EBF2: variants seen among roughly 807,000 people sequenced by gnomAD.
EBF2 encodes transcription factor COE2.
EBF2 carries 21 observed loss-of-function variants against 72.8 expected under a neutral mutation model. The ratio of observed to expected loss-of-function variants is 0.29; its 90% CI spans 0.20 to 0.42. The LOEUF is 0.42. Ranked by LOEUF, EBF2 falls within the 10% of genes least tolerant of loss-of-function variation. EBF2 has a pLI of 1.00. For synonymous variants in EBF2, 299 were observed against 274.2 expected, an observed-to-expected ratio of 1.09 and a Z score of -0.89; for missense variants, 637 against 731.2, an observed-to-expected ratio of 0.87 and a Z score of 1.49.
intron 6 of EBF2, among the ~76,000 whole-genome samples, chr8:25,980,905 A>T (rs7836584): frequency 6.7e-6 from 1 of 149,522 alleles, no homozygotes; most frequent in Non-Finnish European, 1.5e-5. Context: ...GTGGGGGGTG[A>T]CCCCCTTCAC....
intron 6 of EBF2, among the ~76,000 whole-genome samples, chr8:25,995,503 GAATAA>G (rs1482595331): frequency 6.6e-6 from 1 of 152,050 alleles, no homozygotes; most frequent in African/African-American, 2.4e-5. Context: ...AAAAGGAATT[GAATAA>G]AATATTCATG....
chr8:25,989,270 G>T (rs1353799671), intron 6 of EBF2, among the ~76,000 whole-genome samples: 1 of 152,204 alleles, frequency 6.6e-6, no homozygotes, highest in Non-Finnish European at 1.5e-5. Context: ...TCTCTGCTGG[G>T]TGTTGACAGA....
intron 3 of EBF2, 28 bp downstream of exon 3, chr8:26,040,911 G>C: frequency 6.2e-7 from 1 of 1,613,920 alleles, no homozygotes; most frequent in Non-Finnish European, 8.5e-7. Flanking sequence ...GCTAGGCGCC[G>C]GCTCACCGTT....
At chr8:25,912,466 GCACACACACACA>G (rs141335310) in intron 6 of EBF2, among the ~76,000 whole-genome samples, 4 of 136,948 alleles carry the variant, frequency 2.9e-5, no homozygotes, top group African/African-American at 5.5e-5. Flanking sequence ...TCTAAAAATG[GCACACACACACA>G]CACACACACA....
At chr8:25,855,952 A>G (rs963642958) in intron 14 of EBF2, among the ~76,000 whole-genome samples, 1 of 151,998 alleles carries the variant, frequency 6.6e-6, no homozygotes, top group Non-Finnish European at 1.5e-5. Flanking sequence ...TTCTGTGTCT[A>G]CCATCTCATT....
rs1202762705 is a variant in EBF2 at position 26,012,199 on chromosome 8, T to C, written c.551+20886A>G. 3.3e-5 allele frequency among the ~76,000 whole-genome samples: 5 copies of C among 151,980 alleles called. No homozygotes were observed. The East Asian group carries it at 7.7e-4, about 23-fold the overall frequency. ...TTTGTCCTTAAAGTCCAAAGGTGGG[T>C]TGGGGGAGAAAAAGCCACAGGTAGA... On this transcript the variant is annotated intron_variant, in intron 6 of 15. Transcript: ENST00000520164.
intron 1 of EBF2, among the ~76,000 whole-genome samples, chr8:26,043,671 T>C (rs1293640601): frequency 6.6e-6 from 1 of 152,186 alleles, no homozygotes; most frequent in East Asian, 1.9e-4. Context: ...CGGTTCGCTC[T>C]ACCCGGGACA....
chr8:25,896,900 A>G (rs1293494483), intron 7 of EBF2, among the ~76,000 whole-genome samples: 3 of 152,202 alleles, frequency 2.0e-5, no homozygotes, highest in Non-Finnish European at 2.9e-5. Context: ...CTTGGCACAC[A>G]TATTTTCAAG....
chr8:25,848,675 G>A (rs1310668210), intron 15 of EBF2, among the ~76,000 whole-genome samples: 1 of 152,132 alleles, frequency 6.6e-6, no homozygotes, highest in Non-Finnish European at 1.5e-5. Context: ...GTGATCAGTG[G>A]AAGTCAAGTA....
chr8:25,883,940 A>G (rs1424640432), intron 10 of EBF2, among the ~76,000 whole-genome samples: 1 of 152,038 alleles, frequency 6.6e-6, no homozygotes, highest in African/African-American at 2.4e-5. Context: ...GATCCTTCCC[A>G]GGTTCCTCCT....
At chr8:25,944,193 C>A (rs1027993639) in intron 6 of EBF2, among the ~76,000 whole-genome samples, 3 of 152,274 alleles carry the variant, frequency 2.0e-5, no homozygotes, top group African/African-American at 7.2e-5. Flanking sequence ...GAGCTACGAG[C>A]TAATGGAAGG....
intron 6 of EBF2, among the ~76,000 whole-genome samples, chr8:26,002,395 C>T (rs1262225465): frequency 6.6e-6 from 1 of 152,228 alleles, no homozygotes; most frequent in African/African-American, 2.4e-5. Context: ...CCAGCAGGCT[C>T]ACTGCGAGGC....
chr8:25,941,425 C>G lies in EBF2; in HGVS notation c.552-32870G>C, dbSNP rs192554690. ...TTTGCCACGTTCGTCAGGCTGGTCT[C>G]GAACTCCTGGCCTCAAGTGATCTGC... On this transcript the variant is annotated intron_variant, in intron 6 of 15. Coordinates refer to ENST00000520164, the MANE Select transcript of EBF2 (RefSeq NM_022659.4). 1.5e-3 allele frequency among the ~76,000 whole-genome samples: 225 copies of G among 152,200 alleles called. 1 individual carries two copies. The highest frequency in any genetic ancestry group is 5.2e-3 in the African/African-American group (216 of 41,514).
chr8:25,941,398 G>A (rs1036072054), intron 6 of EBF2, among the ~76,000 whole-genome samples: 7 of 152,072 alleles, frequency 4.6e-5, no homozygotes, highest in African/African-American at 1.7e-4. Context: ...TAGAGACAGG[G>A]TTTTGCCACG....
At chr8:25,881,606 G>C (rs1301442829) in intron 10 of EBF2, among the ~76,000 whole-genome samples, 1 of 152,204 alleles carries the variant, frequency 6.6e-6, no homozygotes, top group Non-Finnish European at 1.5e-5. Flanking sequence ...GAAGTGCTGG[G>C]TAGAGGAAGG....
intron 6 of EBF2, among the ~76,000 whole-genome samples, chr8:25,979,857 A>C (rs1175659612): frequency 6.6e-6 from 1 of 152,006 alleles, no homozygotes; most frequent in Non-Finnish European, 1.5e-5. Context: ...CAAAATAGAG[A>C]CCCTGTTTAA....
At chr8:25,922,257 A>AC (rs1803317026) in intron 6 of EBF2, among the ~76,000 whole-genome samples, 1 of 152,134 alleles carries the variant, frequency 6.6e-6, no homozygotes, top group African/African-American at 2.4e-5. Flanking sequence ...GCTTAAAAAA[A>AC]AAAAACAAAC....
rs554307387 is a variant in EBF2 at position 25,947,082 on chromosome 8, C to G, written c.552-38527G>C. 2.0e-5 allele frequency among the ~76,000 whole-genome samples: 3 copies of G among 152,274 alleles called. No homozygotes were observed. The South Asian group carries it at 6.2e-4, about 32-fold the overall frequency. On this transcript the variant is annotated intron_variant, in intron 6 of 15. Transcript: ENST00000520164. ...TTGTCCTGCCTCCAGGCTGTCTCCC[C>G]GATGCTCAACCCATGACCCACTGAT...
Position 25,886,794 on chromosome 8 carries a change from G to C in EBF2, c.970C>G (p.Gln324Glu). 1.2e-6 allele frequency: 2 copies of C among 1,612,660 alleles called. No homozygotes were observed. The highest frequency in any genetic ancestry group is 1.1e-5 in the South Asian group (1 of 90,638). The change falls in exon 10 of 16, where the codon CAG becomes GAG. Residue 324 changes from glutamine (Q) to glutamate (E), a missense_variant. This residue lies in a region of EBF2 where 204 missense variants were observed against 301.2 expected (regional missense o/e 0.68). Coordinates refer to ENST00000520164, the MANE Select transcript of EBF2 (RefSeq NM_022659.4). ...CTTCCTGGGGCTCCTTTGCAGAACT[G>C]TTTAGATTTATAAGATAATGTCACC... The part of the protein sequence containing the change: ...VEVTLSYKSK[Q>E]FCKGAPGRFI...
Sources: gnomAD v4.1 joint callset for allele counts (sites outside exome capture counted in the v4.1 genomes callset) on GRCh38, gnomAD v4.1.1 for gene constraint, gnomAD v4.1.1 regional missense constraint, MANE v1.5 for transcripts, NCBI Gene and HGNC (gene_info 2026-07-23, HGNC 2026-07-21) for gene names.